TOX: variants seen among roughly 807,000 people sequenced by gnomAD.
TOX encodes the protein thymocyte selection-associated high mobility group box protein TOX.
Under a neutral mutation model 53.7 loss-of-function variants are expected in TOX, and 11 were observed. The ratio of observed to expected loss-of-function variants is 0.20; its 90% CI spans 0.13 to 0.34. The LOEUF is 0.34. Ranked by LOEUF, TOX falls within the 10% of genes least tolerant of loss-of-function variation. TOX has a pLI of 1.00. For synonymous variants in TOX, 225 were observed against 245.3 expected, an observed-to-expected ratio of 0.92 and a Z score of 0.77; for missense variants, 570 against 664.6, an observed-to-expected ratio of 0.86 and a Z score of 1.56.
rs118019909 is a variant in TOX, at chr8:58,983,413, G to A, written c.103-23405C>T. Among the ~76,000 whole-genome samples the A allele has an allele frequency of 9.4e-3, 1,438 of 152,284 alleles. 51 individuals carry two copies. The South Asian group carries it at 0.1, about 11-fold the overall frequency. ...AGCAACCACACTTAAAGAACCCCTG[G>A]CATCGAGTTAAAGCTTCTAGGCTCA... On this transcript the variant is annotated intron_variant, in intron 1 of 8. Transcript: ENST00000361421.
chr8:58,873,125 T>C (rs904049871), intron 3 of TOX, among the ~76,000 whole-genome samples: 1 of 152,140 alleles, frequency 6.6e-6, no homozygotes, highest in Non-Finnish European at 1.5e-5. Context: ...TCTTGCTCAT[T>C]GTACTTGTTA....
At chr8:59,112,186 C>T (rs1805027926) in intron 1 of TOX, among the ~76,000 whole-genome samples, 2 of 152,112 alleles carry the variant, frequency 1.3e-5, no homozygotes, top group African/African-American at 2.4e-5. Flanking sequence ...CCGTCAACAT[C>T]GAAGCACAGA....
chr8:58,851,499 G>C lies in TOX; in HGVS notation c.693+25C>G. On this transcript the variant is annotated intron_variant, in intron 4 of 8. Transcript: ENST00000361421. This position sits in a 1 kb window ranked among gnomAD's most constrained non-coding sequence, Gnocchi z 4.4. ...AGGTGCCTAAGAATAGTCTCCCATA[G>C]GTCCTAAAAATAACTTATTCATACC... is the stretch of plus-strand genomic sequence containing the variant. The C allele has an allele frequency of 6.2e-7, 1 of 1,609,874 alleles. No homozygotes were observed.
chr8:59,113,319 G>A (rs1377199772), intron 1 of TOX, among the ~76,000 whole-genome samples: 4 of 152,148 alleles, frequency 2.6e-5, no homozygotes, highest in African/African-American at 9.7e-5. Context: ...CACTATGATA[G>A]CTTAGAAATA....
At chr8:58,905,502 T>C (rs75253505) in intron 3 of TOX, among the ~76,000 whole-genome samples, 5 of 152,228 alleles carry the variant, frequency 3.3e-5, no homozygotes, top group East Asian at 3.9e-4. Context: ...CCAACACTTA[T>C]GCTGTCAGAG....
intron 3 of TOX, among the ~76,000 whole-genome samples, chr8:58,855,632 T>A (rs894612884): frequency 1.3e-5 from 2 of 152,200 alleles, no homozygotes; most frequent in African/African-American, 4.8e-5. Flanking sequence ...TCTCTTTACA[T>A]CTACCCCAAA....
chr8:58,855,625 C>G (rs1165443303), intron 3 of TOX, among the ~76,000 whole-genome samples: 2 of 152,162 alleles, frequency 1.3e-5, no homozygotes. Flanking sequence ...AAATTGGTCT[C>G]TTTACATCTA....
intron 1 of TOX, among the ~76,000 whole-genome samples, chr8:59,005,505 G>A (rs957862627): frequency 6.6e-6 from 1 of 151,706 alleles, no homozygotes; most frequent in Non-Finnish European, 1.5e-5. Context: ...ACATAAAGAG[G>A]GATTTTACTT....
chr8:58,844,747 G>C (rs561952382), intron 4 of TOX, among the ~76,000 whole-genome samples: 1 of 152,072 alleles, frequency 6.6e-6, no homozygotes, highest in East Asian at 1.9e-4. Context: ...GATTACCCAC[G>C]CACTGATTTC....
intron 3 of TOX, among the ~76,000 whole-genome samples, chr8:58,928,518 A>G (rs886571633): frequency 9.4e-6 from 1 of 106,036 alleles, no homozygotes; most frequent in Non-Finnish European, 2.4e-5. Flanking sequence ...AGAGACAGAA[A>G]GAAAGATACA....
intron 3 of TOX, among the ~76,000 whole-genome samples, chr8:58,931,141 A>C (rs1257212517): frequency 6.6e-6 from 1 of 152,188 alleles, no homozygotes; most frequent in Non-Finnish European, 1.5e-5. Flanking sequence ...CAAGAGTCAC[A>C]CACTGTAGGA....
chr8:59,033,377 G>A (rs774999117), intron 1 of TOX, among the ~76,000 whole-genome samples: 5 of 152,248 alleles, frequency 3.3e-5, no homozygotes, highest in Non-Finnish European at 5.9e-5. Context: ...TGCTGGCAGA[G>A]GGAAGAATGG....
chr8:58,936,978 G>A (rs1192853599), intron 3 of TOX, among the ~76,000 whole-genome samples: 1 of 152,226 alleles, frequency 6.6e-6, no homozygotes, highest in Non-Finnish European at 1.5e-5. Context: ...CTGTTGGACA[G>A]CACAGATTAT....
rs1320735078 is a variant in TOX, at chr8:59,118,664, A to G, written c.102+222T>C. ...CGAACAGCAGGAAGGAAAGAATCCG[A>G]GCAAATCGTGTCACTTTCCGCACAA... On this transcript the variant is annotated intron_variant, in intron 1 of 8. Transcript: ENST00000361421. This position sits in a 1 kb window ranked among gnomAD's most constrained non-coding sequence, Gnocchi z 4.1. Among the ~76,000 whole-genome samples, 1 of 152,146 alleles carries G rather than the reference A, an allele frequency of 6.6e-6. No homozygotes were observed. The highest frequency in any genetic ancestry group is 1.5e-5 in the Non-Finnish European group (1 of 68,026).
At chr8:58,957,647 C>T (rs180922093) in intron 2 of TOX, among the ~76,000 whole-genome samples, 340 of 152,266 alleles carry the variant, frequency 2.2e-3, no homozygotes, top group Non-Finnish European at 3.5e-3. Flanking sequence ...AGCAGTAGTG[C>T]GCCATATGTT....
chr8:58,860,760 T>C (rs1174103705), intron 3 of TOX, among the ~76,000 whole-genome samples: 1 of 152,116 alleles, frequency 6.6e-6, no homozygotes, highest in Admixed American at 6.5e-5. Flanking sequence ...CAGATAAAGG[T>C]TGAACTTATA....
chr8:58,910,497 C>T (rs762617342), intron 3 of TOX, among the ~76,000 whole-genome samples: 7 of 152,092 alleles, frequency 4.6e-5, no homozygotes, highest in African/African-American at 1.4e-4. Flanking sequence ...AATGTTCAAC[C>T]GGCCATGTAT....
intron 1 of TOX, among the ~76,000 whole-genome samples, chr8:59,058,358 G>T (rs1803918702): frequency 6.6e-6 from 1 of 152,184 alleles, no homozygotes; most frequent in Non-Finnish European, 1.5e-5. Flanking sequence ...ATGACATAAA[G>T]GTGGGAATGA....
At chr8:58,855,623 C>T (rs1364119054) in intron 3 of TOX, among the ~76,000 whole-genome samples, 1 of 152,152 alleles carries the variant, frequency 6.6e-6, no homozygotes, top group Non-Finnish European at 1.5e-5. Context: ...TAAAATTGGT[C>T]TCTTTACATC....
Sources: allele counts gnomAD v4.1 joint callset (sites outside exome capture counted in the v4.1 genomes callset), GRCh38; gene constraint gnomAD v4.1.1; non-coding constraint Gnocchi (gnomAD v3.1); transcripts MANE v1.5; gene names NCBI Gene and HGNC (gene_info 2026-07-23, HGNC 2026-07-21).